Variants in KLHL6 observed in about 807,000 individuals in gnomAD.
KLHL6 encodes the protein kelch-like protein 6.
Under a neutral mutation model 58.6 loss-of-function variants are expected in KLHL6, and 41 were observed. The ratio of observed to expected loss-of-function variants is 0.70; its 90% CI spans 0.55 to 0.91. The LOEUF is 0.91. KLHL6 is among the 40% of genes least tolerant of loss of function. The pLI is 0.00. For synonymous variants in KLHL6, 338 were observed against 322.7 expected (o/e 1.05, Z -0.51); for missense variants, 714 against 805.6 (o/e 0.89, Z 1.38).
At chr3:183,533,370 C>CTCAAGTGACCCTCTTCCTG (rs986816890) in intron 1 of KLHL6, among the ~76,000 whole-genome samples, 5 of 149,318 alleles carry the variant, frequency 3.3e-5, no homozygotes, top group African/African-American at 1.3e-4. Flanking sequence ...TTTTCCTGGC[C>CTCAAGTGACCCTCTTCCTG]TCAAGTGACC....
intron 2 of KLHL6, chr3:183,520,454 C>G (rs1247086077): frequency 6.6e-6 from 1 of 151,922 alleles, no homozygotes. Context: ...AGAGAGAGAA[C>G]AGTGGGCCCA....
intron 3 of KLHL6, among the ~76,000 whole-genome samples, chr3:183,500,135 C>G (rs1717832152): frequency 6.6e-6 from 1 of 152,220 alleles, no homozygotes. Flanking sequence ...GGTCTATTTA[C>G]TATCAGATGC....
intron 3 of KLHL6, 139 bp downstream of exon 3, chr3:183,507,920 C>G: frequency 2.8e-6 from 2 of 710,058 alleles, no homozygotes; most frequent in South Asian, 3.8e-5. Flanking sequence ...TGGAACTGAC[C>G]GACTCAGCAA....
Position 183,499,526 on chromosome 3 carries a change from T to C in KLHL6, c.1147+64A>G. On this transcript the variant is annotated intron_variant, in intron 4 of 6. Transcript: ENST00000341319. The surrounding 1 kb of genome is among the most constrained non-coding windows in gnomAD (Gnocchi z 4.6). Reference sequence around the variant, plus strand: ...AATTCTTCTAGGATGGTTGCCTGGCTGCCACTCAGGAATATATGTAGTGCT... The same window carrying C: ...AATTCTTCTAGGATGGTTGCCTGGCCGCCACTCAGGAATATATGTAGTGCT... 9.0e-7 allele frequency: 1 copy of C among 1,110,802 alleles called. No individual in the cohort carries two copies. 68.8% of individuals were successfully genotyped at this position (1,110,802 alleles called of 1,614,324 possible).
At position 183,555,380 on chromosome 3, in the gene KLHL6, C is replaced by T. The variant is rs776911567; in HGVS notation, c.274G>A (p.Ala92Thr). 4.3e-6 allele frequency: 7 copies of T among 1,613,902 alleles called. No individual in the cohort carries two copies. The highest frequency in any genetic ancestry group is 3.3e-5 in the South Asian group (3 of 91,042). Reference sequence around the variant, plus strand: ...GCTGACCTGAAATAGTTGCTGGCTGCGGCAAGCACCACGCGGTGGCAGGAG... The same window carrying T: ...GCTGACCTGAAATAGTTGCTGGCTGTGGCAAGCACCACGCGGTGGCAGGAG... Reference protein sequence around the residue: ...EFSCHRVVLAAASNYFRAMFC... With the variant: ...EFSCHRVVLATASNYFRAMFC... Residue 92 changes from alanine (A) to threonine (T), a missense_variant, in exon 1 of 7, where the codon GCA becomes ACA. Transcript: ENST00000341319.
chr3:183,530,657 C>T (rs78123163), intron 1 of KLHL6, among the ~76,000 whole-genome samples: 2,282 of 152,080 alleles, frequency 0.015, 53 homozygotes, highest in African/African-American at 0.052. Context: ...CTGAAGAGAA[C>T]GCCAAAAATG....
rs747953597 is a variant in KLHL6 at position 183,555,566 on chromosome 3, C to T, written c.88G>A (p.Glu30Lys). 8 of 1,614,176 alleles carry T rather than the reference C, an allele frequency of 5.0e-6. No individual in the cohort carries two copies. Among genetic ancestry groups the T allele is most frequent in the Non-Finnish European group, 6.8e-6 (8 of 1,180,030 alleles). ...AAGTCTCCTGTTTTCTGGGAGGGCTCATCTGTAGAAGGTGCCAGGGGCCCT... is the reference window on the plus strand; with the variant it reads ...AAGTCTCCTGTTTTCTGGGAGGGCTTATCTGTAGAAGGTGCCAGGGGCCCT... ...LEGPLAPSTD[E>K]PSQKTGDLVE... Residue 30 changes from glutamate (E) to lysine (K), a missense_variant, in exon 1 of 7, where the codon GAG becomes AAG. By Grantham distance (56) the Glu-to-Lys change is moderately conservative. Coordinates refer to ENST00000341319, the MANE Select transcript of KLHL6 (RefSeq NM_130446.4).
intron 2 of KLHL6, among the ~76,000 whole-genome samples, chr3:183,510,447 A>T (rs1718149691): frequency 6.6e-6 from 1 of 152,110 alleles, no homozygotes; most frequent in Admixed American, 6.5e-5. Context: ...TGGTTCTAAG[A>T]GTGGACCAAG....
At position 183,499,669 on chromosome 3, in the gene KLHL6, T is replaced by G; in HGVS notation, c.1068A>C (p.Thr356=). 6.2e-7 allele frequency: 1 copy of G among 1,611,874 alleles called. No homozygotes were observed. Among genetic ancestry groups the G allele is most frequent in the Non-Finnish European group, 8.5e-7 (1 of 1,179,132 alleles). Residue 356 remains threonine (T), a synonymous_variant, in exon 4 of 7, where the codon ACA becomes ACC. Transcript: ENST00000341319. The surrounding 1 kb of genome is among the most constrained non-coding windows in gnomAD (Gnocchi z 4.6). ...SRLEVAKLPL[T]EHELESENKK... is the part of the protein sequence containing the mutation. Reference sequence around the variant, plus strand: ...TATTCTCACTCTCCAGCTCATGCTCTGTTAGCGGGAGCTTGGCCACCTCCA... The same window carrying G: ...TATTCTCACTCTCCAGCTCATGCTCGGTTAGCGGGAGCTTGGCCACCTCCA...
At chr3:183,513,864 T>C (rs999724532) in intron 2 of KLHL6, among the ~76,000 whole-genome samples, 2 of 152,132 alleles carry the variant, frequency 1.3e-5, no homozygotes, top group African/African-American at 4.8e-5. Context: ...ATACTCTTTC[T>C]CCCCTTCCCC....
rs1231961406 is a variant in KLHL6, at chr3:183,531,446, T to A, written c.294-3436A>T. Among the ~76,000 whole-genome samples, 16 of 124,438 alleles carry A rather than the reference T, an allele frequency of 1.3e-4. 1 individual carries two copies. Among genetic ancestry groups the A allele is most frequent in the African/African-American group, 5.8e-4 (16 of 27,802 alleles). 81.6% of individuals were successfully genotyped at this position (124,438 alleles called of 152,430 possible). A position where few individuals can be genotyped will look rare whatever the true frequency, so the allele number is the denominator to read the frequency against. ...TTTCTGTTCTTTTTTTGTCTGTGTT[T>A]TTTTTTTTTTTTTTTTTTTTTGAGA... On this transcript the variant is annotated intron_variant, in intron 1 of 6. Transcript: ENST00000341319.
chr3:183,542,477 C>T (rs1368297624), intron 1 of KLHL6, among the ~76,000 whole-genome samples: 2 of 152,162 alleles, frequency 1.3e-5, no homozygotes, highest in East Asian at 3.9e-4. Context: ...GAATGCTCCT[C>T]TCTTCTCCTT....
At chr3:183,527,694 G>A in intron 2 of KLHL6, 151 bp downstream of exon 2, 1 of 671,678 alleles carries the variant, frequency 1.5e-6, no homozygotes, top group Non-Finnish European at 2.5e-6. Context: ...CCAGCTAGGG[G>A]TGTGCGTGTG....
In KLHL6 at chr3:183,546,458, T is replaced by C. The variant is rs557048098; in HGVS notation, c.293+8903A>G. Among the ~76,000 whole-genome samples the C allele has an allele frequency of 9.8e-5, 15 of 152,294 alleles. No homozygotes were observed. The South Asian group carries it at 1.2e-3, about 13-fold the overall frequency. On this transcript the variant is annotated intron_variant, in intron 1 of 6. Transcript: ENST00000341319. Reference sequence around the variant, plus strand: ...TGACAGCAGTGCCAGTGGCTGCAGCTGTGCAGCTGTGGCCCCAGCATTGTA... The same window carrying C: ...TGACAGCAGTGCCAGTGGCTGCAGCCGTGCAGCTGTGGCCCCAGCATTGTA...
chr3:183,528,456 G>A (rs1404292497), intron 1 of KLHL6, among the ~76,000 whole-genome samples: 1 of 152,218 alleles, frequency 6.6e-6, no homozygotes, highest in Non-Finnish European at 1.5e-5. Context: ...AAGTGCAAGT[G>A]GCTCCTGTAG....
chr3:183,495,613 G>T (rs1717693981), intron 4 of KLHL6, among the ~76,000 whole-genome samples: 2 of 150,882 alleles, frequency 1.3e-5, no homozygotes, highest in South Asian at 4.2e-4. Flanking sequence ...CATATTGTGT[G>T]CATAAATCAG....
intron 1 of KLHL6, among the ~76,000 whole-genome samples, chr3:183,529,559 C>A (rs540249918): frequency 6.6e-6 from 1 of 151,622 alleles, no homozygotes; most frequent in Non-Finnish European, 1.5e-5. Flanking sequence ...GGTGGGGGAC[C>A]GGGGGTGGGG....
chr3:183,552,734 A>G (rs1177901591), intron 1 of KLHL6, among the ~76,000 whole-genome samples: 1 of 151,278 alleles, frequency 6.6e-6, no homozygotes, highest in African/African-American at 2.4e-5. Context: ...AAAAAAAAAA[A>G]AAAAAAAAGA....
At chr3:183,539,720 A>C (rs913647785) in intron 1 of KLHL6, among the ~76,000 whole-genome samples, 6 of 151,290 alleles carry the variant, frequency 4.0e-5, no homozygotes, top group Non-Finnish European at 7.4e-5. Context: ...AAAAAAAAAA[A>C]CAAAAAAACA....
Sources: allele counts gnomAD v4.1 joint callset (sites outside exome capture counted in the v4.1 genomes callset), GRCh38; gene constraint gnomAD v4.1.1; non-coding constraint Gnocchi (gnomAD v3.1); transcripts MANE v1.5; gene names NCBI Gene and HGNC (gene_info 2026-07-23, HGNC 2026-07-21).